The following PDE4D variants were observed in gnomAD, a reference collection of about 807,000 sequenced individuals.
PDE4D encodes the protein phosphodiesterase 4D, also known as 3',5'-cyclic-AMP phosphodiesterase 4D.
PDE4D carries 24 observed loss-of-function variants against 87.4 expected under a neutral mutation model. The observed-to-expected ratio is 0.27, with a 90% CI of 0.20 to 0.39. The LOEUF (loss-of-function observed/expected upper bound fraction) is 0.39. Ranked by LOEUF, PDE4D falls within the 10% of genes least tolerant of loss-of-function variation. The pLI, the probability that PDE4D is intolerant of heterozygous loss-of-function variation, is 1.00. For synonymous variants in PDE4D, 384 were observed against 383.2 expected, an observed-to-expected ratio of 1.00 and a Z score of -0.02; for missense variants, 714 against 1,041.0, an observed-to-expected ratio of 0.69 and a Z score of 4.32.
chr5:60,166,879 T>A (rs1310304660), intron 2 of PDE4D, among the ~76,000 whole-genome samples: 1 of 152,134 alleles, frequency 6.6e-6, no homozygotes, highest in Non-Finnish European at 1.5e-5. Flanking sequence ...ACCAAGTCCC[T>A]CCTGATCTGT....
chr5:59,404,957 C>G (rs939299058), intron 1 of PDE4D, among the ~76,000 whole-genome samples: 1 of 152,112 alleles, frequency 6.6e-6, no homozygotes, highest in Non-Finnish European at 1.5e-5. Flanking sequence ...GTTTTCATGC[C>G]AGAACCATCC....
At chr5:59,496,803 C>T (rs1283314924) in intron 1 of PDE4D, among the ~76,000 whole-genome samples, 2 of 152,134 alleles carry the variant, frequency 1.3e-5, no homozygotes, top group Non-Finnish European at 2.9e-5. Flanking sequence ...TCGAAGGTGG[C>T]TCTCCCCAGC....
chr5:59,699,633 C>T (rs1422446214), intron 1 of PDE4D, among the ~76,000 whole-genome samples: 5 of 151,666 alleles, frequency 3.3e-5, no homozygotes, highest in African/African-American at 1.2e-4. Flanking sequence ...ACTGCAGTGA[C>T]CTAAACAAAA....
chr5:59,583,695 T>C (rs1460166584), intron 1 of PDE4D, among the ~76,000 whole-genome samples: 1 of 152,218 alleles, frequency 6.6e-6, no homozygotes, highest in Non-Finnish European at 1.5e-5. Flanking sequence ...GTAATACTAT[T>C]GCTCAATAAT....
chr5:60,511,767 A>G (rs189188321), intron 1 of PDE4D, among the ~76,000 whole-genome samples: 65 of 152,074 alleles, frequency 4.3e-4, no homozygotes, highest in African/African-American at 1.4e-3. Flanking sequence ...TAATTGTCAC[A>G]TTATATTGTA....
At chr5:59,202,543 A>G (rs1233369843) in intron 2 of PDE4D, among the ~76,000 whole-genome samples, 5 of 151,678 alleles carry the variant, frequency 3.3e-5, no homozygotes, top group Non-Finnish European at 5.9e-5. Flanking sequence ...AGCAGGTTAG[A>G]ATTTTTTTTT....
At chr5:59,572,624 G>A (rs1028281072) in intron 1 of PDE4D, among the ~76,000 whole-genome samples, 2 of 152,222 alleles carry the variant, frequency 1.3e-5, no homozygotes, top group East Asian at 3.9e-4. Context: ...GGGACTACAG[G>A]CGCCCGCCAC....
intron 1 of PDE4D, among the ~76,000 whole-genome samples, chr5:59,307,677 G>C (rs1320462158): frequency 6.6e-6 from 1 of 151,084 alleles, no homozygotes; most frequent in Non-Finnish European, 1.5e-5. Flanking sequence ...TCTCACATCA[G>C]TTAGAATGGC....
chr5:59,826,508 C>CT (rs34797123), intron 1 of PDE4D, among the ~76,000 whole-genome samples: 64,199 of 149,430 alleles, frequency 0.43, 13,860 homozygotes, highest in African/African-American at 0.5. Flanking sequence ...AAATCGAGAA[C>CT]TTTTTTTTTT....
At chr5:59,880,631 A>T (rs1749302471) in intron 1 of PDE4D, among the ~76,000 whole-genome samples, 1 of 152,156 alleles carries the variant, frequency 6.6e-6, no homozygotes, top group Non-Finnish European at 1.5e-5. Context: ...AGCATTTTTG[A>T]TATGTGACAT....
chr5:59,422,582 G>C (rs1794640322), intron 1 of PDE4D, among the ~76,000 whole-genome samples: 1 of 152,132 alleles, frequency 6.6e-6, no homozygotes, highest in African/African-American at 2.4e-5. Flanking sequence ...TTCAACTTAA[G>C]AGCAAAGCCA....
chr5:60,114,086 C>A (rs998267164), intron 2 of PDE4D, among the ~76,000 whole-genome samples: 11 of 152,030 alleles, frequency 7.2e-5, no homozygotes, highest in East Asian at 3.9e-4. Context: ...AAATGGGTAA[C>A]CTATGTGGAT....
chr5:59,565,702 C>A (rs538823993), intron 1 of PDE4D, among the ~76,000 whole-genome samples: 1 of 152,192 alleles, frequency 6.6e-6, no homozygotes, highest in Non-Finnish European at 1.5e-5. Flanking sequence ...GGCAAAGCAA[C>A]TGGGCAAGGA....
At chr5:59,170,122 C>T (rs1280817573) in intron 5 of PDE4D, among the ~76,000 whole-genome samples, 1 of 152,124 alleles carries the variant, frequency 6.6e-6, no homozygotes, top group Non-Finnish European at 1.5e-5. Context: ...CATCAACTTC[C>T]TGGGCATAAA....
chr5:59,001,011 G>A (rs927824345), intron 6 of PDE4D, among the ~76,000 whole-genome samples: 1 of 152,048 alleles, frequency 6.6e-6, no homozygotes, highest in African/African-American at 2.4e-5. Flanking sequence ...TTTAATAACT[G>A]TACACAAAGT....
intron 5 of PDE4D, among the ~76,000 whole-genome samples, chr5:59,057,538 T>G (rs1414310990): frequency 1.3e-5 from 2 of 152,208 alleles, no homozygotes; most frequent in African/African-American, 2.4e-5. Context: ...TTAGGATTTT[T>G]GGGATCTTTC....
intron 1 of PDE4D, among the ~76,000 whole-genome samples, chr5:59,594,517 T>C (rs1826389421): frequency 6.6e-6 from 1 of 151,994 alleles, no homozygotes; most frequent in Non-Finnish European, 1.5e-5. Context: ...GATGAGGTTT[T>C]ACCACATTGG....
At chr5:60,246,104 T>G (rs1747743842) in intron 1 of PDE4D, among the ~76,000 whole-genome samples, 1 of 151,848 alleles carries the variant, frequency 6.6e-6, no homozygotes, top group African/African-American at 2.4e-5. Flanking sequence ...AGTTAATTTT[T>G]TTTAATTTGT....
At chr5:59,751,626 G>A (rs943771058) in intron 1 of PDE4D, among the ~76,000 whole-genome samples, 9 of 146,646 alleles carry the variant, frequency 6.1e-5, no homozygotes, top group Admixed American at 2.0e-4. Context: ...GAGAGCGAGC[G>A]AGCGAGCAAG....
Sources: gnomAD v4.1 joint callset for allele counts (sites outside exome capture counted in the v4.1 genomes callset) on GRCh38, gnomAD v4.1.1 for gene constraint, MANE v1.5 for transcripts, NCBI Gene and HGNC (gene_info 2026-07-23, HGNC 2026-07-21) for gene names.